Variants in ADK observed in about 807,000 individuals in gnomAD.
ADK encodes adenosine kinase.
A neutral mutation model predicts 44.7 loss-of-function variants in ADK; 24 were observed. That is an observed-to-expected ratio of 0.54 (90% confidence interval 0.39 to 0.76). The LOEUF (loss-of-function observed/expected upper bound fraction) is 0.76. Among genes scored for constraint, ADK ranks in the 30% least tolerant of loss-of-function variants. The pLI is 0.00. For missense variants in ADK, 321 were observed against 425.1 expected (o/e 0.76, Z 2.15); for synonymous variants, 128 against 142.6 (o/e 0.90, Z 0.73).
chr10:74,205,826 ATAACT>A (rs780158986), intron 2 of ADK, among the ~76,000 whole-genome samples: 24 of 152,200 alleles, frequency 1.6e-4, no homozygotes, highest in Admixed American at 3.9e-4. Flanking sequence ...ATGAAAAAAA[ATAACT>A]TAAAGCAACC....
intron 7 of ADK, among the ~76,000 whole-genome samples, chr10:74,574,586 C>T (rs999774387): frequency 5.3e-5 from 8 of 152,156 alleles, no homozygotes; most frequent in Admixed American, 3.9e-4. Context: ...GTTGAAAATA[C>T]AACTGTAATT....
chr10:74,223,609 G>GT, intron 2 of ADK, among the ~76,000 whole-genome samples: 1 of 152,064 alleles, frequency 6.6e-6, no homozygotes, highest in East Asian at 1.9e-4. Flanking sequence ...GTCCATTGTT[G>GT]TTTATCTATT....
chr10:74,691,744 T>C (rs1246132138), intron 10 of ADK, among the ~76,000 whole-genome samples: 5 of 152,182 alleles, frequency 3.3e-5, no homozygotes, highest in Non-Finnish European at 4.4e-5. Context: ...ATATAATGCA[T>C]GTAATTTTAA....
intron 7 of ADK, among the ~76,000 whole-genome samples, chr10:74,564,999 G>T (rs1204127792): frequency 6.6e-6 from 1 of 152,036 alleles, no homozygotes; most frequent in Non-Finnish European, 1.5e-5. Flanking sequence ...TTCTGTGTTG[G>T]ATATTTTCTC....
At chr10:74,357,902 A>T (rs1215920692) in intron 4 of ADK, among the ~76,000 whole-genome samples, 1 of 152,196 alleles carries the variant, frequency 6.6e-6, no homozygotes, top group Non-Finnish European at 1.5e-5. Flanking sequence ...ATTTGAACAG[A>T]GTTTGTGTAT....
intron 9 of ADK, among the ~76,000 whole-genome samples, chr10:74,668,597 G>A (rs778456833): frequency 3.9e-5 from 6 of 152,296 alleles, no homozygotes; most frequent in East Asian, 1.9e-4. Context: ...TTAGCTGGGC[G>A]TGATGGCACA....
chr10:74,587,099 G>T (rs1195831987), intron 7 of ADK, among the ~76,000 whole-genome samples: 1 of 152,098 alleles, frequency 6.6e-6, no homozygotes, highest in Non-Finnish European at 1.5e-5. Context: ...TGTCTCTGAT[G>T]AAGTTCCATA....
At chr10:74,438,046 G>T (rs777341589) in intron 6 of ADK, among the ~76,000 whole-genome samples, 4 of 152,056 alleles carry the variant, frequency 2.6e-5, no homozygotes, top group African/African-American at 9.7e-5. Flanking sequence ...TTTCTGGTTA[G>T]CTATCTAAAG....
intron 4 of ADK, among the ~76,000 whole-genome samples, chr10:74,384,769 A>G (rs1843087291): frequency 6.6e-6 from 1 of 152,224 alleles, no homozygotes; most frequent in African/African-American, 2.4e-5. Context: ...GAAGCTAGAA[A>G]GAACAAACAG....
Position 74,237,450 on chromosome 10 carries a change from C to T in ADK, c.194+12859C>T, listed in dbSNP as rs531856418. On this transcript the variant is annotated intron_variant, in intron 3 of 10. Transcript: ENST00000539909. ...TGACTTCTTCCCTGAAGTCTTGAAG[C>T]GCTCAAAGTCATCCACAAGGGCTGG... Among the ~76,000 whole-genome samples the T allele has an allele frequency of 3.3e-5, 5 of 152,270 alleles. No individual in the cohort carries two copies. In the East Asian group the frequency reaches 9.7e-4, roughly 29 times the overall value.
chr10:74,493,365 G>A (rs1211920688), intron 6 of ADK, among the ~76,000 whole-genome samples: 4 of 148,540 alleles, frequency 2.7e-5, no homozygotes, highest in South Asian at 2.1e-4. Context: ...GTGTGTGTGT[G>A]TATATACATA....
chr10:74,330,364 A>G (rs1443493800), intron 4 of ADK, among the ~76,000 whole-genome samples: 1 of 152,032 alleles, frequency 6.6e-6, no homozygotes, highest in Non-Finnish European at 1.5e-5. Flanking sequence ...GTATGCTATG[A>G]TTGCTCCTGT....
At chr10:74,209,353 G>A (rs775179607) in intron 2 of ADK, among the ~76,000 whole-genome samples, 30 of 152,270 alleles carry the variant, frequency 2.0e-4, no homozygotes, top group Non-Finnish European at 3.8e-4. Flanking sequence ...TGCCTTAACC[G>A]TGGATTTCCC....
intron 7 of ADK, among the ~76,000 whole-genome samples, chr10:74,565,880 G>A (rs551959397): frequency 1.3e-5 from 2 of 152,124 alleles, no homozygotes; most frequent in South Asian, 2.1e-4. Context: ...ATACAAATTG[G>A]TTGTATAATA....
intron 1 of ADK, among the ~76,000 whole-genome samples, chr10:74,173,092 T>C (rs914099109): frequency 5.9e-5 from 9 of 151,368 alleles, no homozygotes; most frequent in Admixed American, 2.0e-4. Context: ...AAATTAGTTT[T>C]TTTTTTTTCT....
chr10:74,588,099 T>G (rs1319812437), intron 7 of ADK, among the ~76,000 whole-genome samples: 3 of 152,158 alleles, frequency 2.0e-5, no homozygotes, highest in Admixed American at 6.5e-5. Context: ...GACCCCTACA[T>G]AGCACATACA....
At chr10:74,650,972 G>T (rs1412074529) in intron 9 of ADK, among the ~76,000 whole-genome samples, 2 of 152,118 alleles carry the variant, frequency 1.3e-5, no homozygotes, top group Non-Finnish European at 2.9e-5. Context: ...ACTATTAGTT[G>T]TTCAACATAA....
At chr10:74,460,978 A>G (rs1449988409) in intron 6 of ADK, among the ~76,000 whole-genome samples, 1 of 152,178 alleles carries the variant, frequency 6.6e-6, no homozygotes, top group East Asian at 1.9e-4. Context: ...AATAGGGAGT[A>G]CTGAGTTTTC....
chr10:74,695,472 A>ATGTGTG lies in ADK; in HGVS notation c.965-12829_965-12824dup, dbSNP rs66502036. Among the ~76,000 whole-genome samples the ATGTGTG allele has an allele frequency of 3.9e-4, 58 of 148,526 alleles. 1 individual carries two copies. The highest frequency in any genetic ancestry group is 1.3e-3 in the African/African-American group (54 of 40,414). On this transcript the variant is annotated intron_variant, in intron 10 of 10. Coordinates refer to ENST00000539909, the MANE Select transcript of ADK (RefSeq NM_006721.4). Reference sequence around the variant, plus strand: ...AAAACTGTTGCTCTTGTATATATATATGTGTGTGTGTGTGTGTGTGTGTGT... The same window carrying ATGTGTG: ...AAAACTGTTGCTCTTGTATATATATATGTGTGTGTGTGTGTGTGTGTGTGTGTGTGT...
Sources: allele counts gnomAD v4.1 joint callset (sites outside exome capture counted in the v4.1 genomes callset), GRCh38; gene constraint gnomAD v4.1.1; transcripts MANE v1.5; gene names NCBI Gene and HGNC (gene_info 2026-07-23, HGNC 2026-07-21).